ATP6V1G3: variants seen among roughly 807,000 people sequenced by gnomAD.
The protein encoded by ATP6V1G3 is V-type proton ATPase subunit G 3.
ATP6V1G3 carries 9 observed loss-of-function variants against 9.3 expected under a neutral mutation model. That is an observed-to-expected ratio of 0.97 (90% CI 0.59 to 1.69). The LOEUF (loss-of-function observed/expected upper bound fraction) is 1.69, where lower values mean the gene tolerates loss of function less well. Among genes scored for constraint, ATP6V1G3 ranks in the 40% most tolerant of loss-of-function variants. The pLI is 0.00. For missense variants in ATP6V1G3, 133 were observed against 139.0 expected (o/e 0.96, Z 0.22); for synonymous variants, 43 against 43.8 (o/e 0.98, Z 0.07).
intron 1 of ATP6V1G3, chr1:198,536,792 A>G (rs915487133): frequency 8.2e-7 from 1 of 1,217,184 alleles, no homozygotes. Flanking sequence ...TATCATTATT[A>G]CTTACAGTAA....
Position 198,523,415 on chromosome 1 carries a change from A to G in ATP6V1G3, c.333T>C (p.His111=), listed in dbSNP as rs1460009188. ...TTTAGTTGGTGGCTCTGTAGTTCAC[A>G]TGGATTTCTGGTTTCATGTCACAGA... ...SMVCDMKPEI[H]VNYRATN is the part of the protein sequence containing the mutation. Residue 111 remains histidine, a synonymous_variant, in exon 3 of 3, where the codon CAT becomes CAC. Transcript: ENST00000367382. 2.5e-6 allele frequency: 4 copies of G among 1,613,108 alleles called. No homozygotes were observed. The highest frequency in any genetic ancestry group is 2.2e-5 in the East Asian group (1 of 44,792).
chr1:198,529,805 A>G (rs940860007), intron 1 of ATP6V1G3, among the ~76,000 whole-genome samples: 1 of 151,716 alleles, frequency 6.6e-6, no homozygotes. Context: ...CTCTGAGGGG[A>G]ACTTGCTTGA....
At chr1:198,528,676 A>G (rs1415189489) in intron 2 of ATP6V1G3, among the ~76,000 whole-genome samples, 1 of 152,050 alleles carries the variant, frequency 6.6e-6, no homozygotes, top group East Asian at 1.9e-4. Flanking sequence ...TCATTTGTAA[A>G]TCTTGGAAAT....
At chr1:198,536,346 A>G (rs181132930) in intron 1 of ATP6V1G3, among the ~76,000 whole-genome samples, 45 of 152,326 alleles carry the variant, frequency 3.0e-4, no homozygotes, top group Admixed American at 1.7e-3. Context: ...TCCTGTTGAT[A>G]ATGGTACTTT....
chr1:198,538,238 T>C (rs1358503845), intron 1 of ATP6V1G3, among the ~76,000 whole-genome samples: 1 of 152,212 alleles, frequency 6.6e-6, no homozygotes, highest in Non-Finnish European at 1.5e-5. Context: ...ATGAACATTT[T>C]TGTATAGAAA....
At chr1:198,531,870 G>A (rs55794522) in intron 1 of ATP6V1G3, among the ~76,000 whole-genome samples, 1 of 151,854 alleles carries the variant, frequency 6.6e-6, no homozygotes, top group East Asian at 1.9e-4. Context: ...AGAAAAAAAT[G>A]TATATAAAAT....
chr1:198,536,670 T>C (rs1660123765), intron 1 of ATP6V1G3: 1 of 1,590,864 alleles, frequency 6.3e-7, no homozygotes, highest in Non-Finnish European at 8.6e-7. Flanking sequence ...ACATTTCTAG[T>C]CATCTTACCA....
In ATP6V1G3 at chr1:198,529,167, A is replaced by G. The variant is rs750027154; in HGVS notation, c.97T>C (p.Leu33=). ...ATTGCTTCCTCCTTGGCTTGCTTCA[A>G]TCGCTTTCCTTTTCCTGAAAATTAA... The part of the protein sequence containing the change: ...EEAKKRKGKR[L]KQAKEEAMVE... The change falls in exon 2 of 3, where the codon TTG becomes CTG. Residue 33 remains leucine, a synonymous_variant. Coordinates refer to ENST00000367382, the MANE Select transcript of ATP6V1G3 (RefSeq NM_001376861.1). 9.4e-6 allele frequency: 13 copies of G among 1,377,610 alleles called. No homozygotes were observed. Among genetic ancestry groups the G allele is most frequent in the Middle Eastern group, 1.9e-4 (1 of 5,240 alleles). The allele number at this position is 1,377,610 out of a possible 1,614,324, so 85.3% of individuals were successfully genotyped here.
At position 198,523,349 on chromosome 1, in the gene ATP6V1G3, C is replaced by T. The variant is rs751825875; in HGVS notation, c.*42G>A. On this transcript the variant is annotated 3_prime_UTR_variant, in exon 3 of 3. Coordinates refer to ENST00000367382, the MANE Select transcript of ATP6V1G3 (RefSeq NM_001376861.1). The stretch of plus-strand genomic sequence containing the variant: ...TACGAAGCCATAAGCAACCAGGTGG[C>T]ACTCACACACCTTTTTTTTTCTTGA... The T allele has an allele frequency of 1.3e-6, 2 of 1,574,972 alleles. No homozygotes were observed. The highest frequency in any genetic ancestry group is 2.3e-5 in the South Asian group (2 of 85,898).
intron 2 of ATP6V1G3, among the ~76,000 whole-genome samples, chr1:198,525,734 T>C (rs1170985025): frequency 3.3e-5 from 5 of 152,208 alleles, no homozygotes; most frequent in Admixed American, 1.3e-4. Flanking sequence ...TTTACACTTA[T>C]AGCACATCTT....
At chr1:198,530,599 C>A (rs948575133) in intron 1 of ATP6V1G3, among the ~76,000 whole-genome samples, 1 of 152,164 alleles carries the variant, frequency 6.6e-6, no homozygotes. Context: ...TACTGCTCTT[C>A]TGTTGCTTGA....
At chr1:198,539,130 A>C (rs1308596035) in intron 1 of ATP6V1G3, among the ~76,000 whole-genome samples, 1 of 152,158 alleles carries the variant, frequency 6.6e-6, no homozygotes, top group African/African-American at 2.4e-5. Context: ...CTCCACCTGG[A>C]GTCATTCCTT....
intron 2 of ATP6V1G3, among the ~76,000 whole-genome samples, chr1:198,523,837 C>G (rs1659548361): frequency 6.6e-6 from 1 of 152,148 alleles, no homozygotes; most frequent in Admixed American, 6.5e-5. Flanking sequence ...TTAAACCATG[C>G]CCAGAAGTTC....
intron 2 of ATP6V1G3, among the ~76,000 whole-genome samples, chr1:198,524,401 G>A (rs747810059): frequency 5.3e-5 from 8 of 152,158 alleles, no homozygotes; most frequent in Non-Finnish European, 1.2e-4. Context: ...GGGATTACAA[G>A]TGTGAGTCAC....
At chr1:198,527,062 A>G (rs1191190738) in intron 2 of ATP6V1G3, among the ~76,000 whole-genome samples, 1 of 152,180 alleles carries the variant, frequency 6.6e-6, no homozygotes, top group Non-Finnish European at 1.5e-5. Flanking sequence ...TATATTAACA[A>G]GAGCTAAAAA....
chr1:198,531,473 A>G (rs1659897417), intron 1 of ATP6V1G3, among the ~76,000 whole-genome samples: 2 of 152,158 alleles, frequency 1.3e-5, no homozygotes, highest in South Asian at 4.1e-4. Context: ...ATTTGGACTG[A>G]TTTTCAGGTG....
chr1:198,529,195 AATATAT>A lies in ATP6V1G3; in HGVS notation c.83-20_83-15del, dbSNP rs139314248. 0.059 allele frequency: 27,691 copies of A among 466,070 alleles called. 1,260 individuals carry two copies. Among genetic ancestry groups the A allele is most frequent in the African/African-American group, 0.089 (3,990 of 44,848 alleles). The allele number at this position is 466,070 out of a possible 1,614,324, so 28.9% of individuals were successfully genotyped here. A position where few individuals can be genotyped will look rare whatever the true frequency, so the allele number is the denominator to read the frequency against. On this transcript the variant is annotated splice_polypyrimidine_tract_variant and intron_variant, in intron 1 of 2. Transcript: ENST00000367382. ...GCTTTCCTTTTCCTGAAAATTAACA[AATATAT>A]ATATATATATATATAATTATATATA...
At chr1:198,534,964 C>A (rs143142845) in intron 1 of ATP6V1G3, among the ~76,000 whole-genome samples, 1 of 152,174 alleles carries the variant, frequency 6.6e-6, no homozygotes, top group Admixed American at 6.5e-5. Flanking sequence ...GTGACTGTCA[C>A]TGCTAGAGCT....
intron 2 of ATP6V1G3, among the ~76,000 whole-genome samples, chr1:198,527,857 A>G (rs751146732): frequency 1.4e-4 from 21 of 152,314 alleles, no homozygotes; most frequent in Middle Eastern, 6.8e-3. Context: ...TACAATAGGT[A>G]TGTGTTTATG....
Sources: gnomAD v4.1 joint callset for allele counts (sites outside exome capture counted in the v4.1 genomes callset) on GRCh38, gnomAD v4.1.1 for gene constraint, MANE v1.5 for transcripts, NCBI Gene and HGNC (gene_info 2026-07-23, HGNC 2026-07-21) for gene names.